The following DYNC1I1 variants were observed in gnomAD, a reference collection of about 807,000 sequenced individuals.
DYNC1I1 encodes dynein cytoplasmic 1 intermediate chain 1.
A neutral mutation model predicts 86.6 loss-of-function variants in DYNC1I1; 43 were observed. The observed-to-expected ratio is 0.50, with a 90% CI of 0.39 to 0.64. The LOEUF (loss-of-function observed/expected upper bound fraction) is 0.64, where lower values mean the gene tolerates loss of function less well. Ranked by LOEUF, DYNC1I1 falls within the 30% of genes least tolerant of loss-of-function variation. The pLI, the probability that DYNC1I1 is intolerant of heterozygous loss-of-function variation, is 0.00. For synonymous variants in DYNC1I1, 262 were observed against 283.7 expected (o/e 0.92, Z 0.77); for missense variants, 604 against 788.8 (o/e 0.77, Z 2.81).
intron 6 of DYNC1I1, among the ~76,000 whole-genome samples, chr7:95,910,685 T>C (rs1439108881): frequency 1.3e-5 from 2 of 152,232 alleles, no homozygotes; most frequent in Non-Finnish European, 2.9e-5. Context: ...ACAAGAATTA[T>C]GGACATTTAT....
chr7:95,866,950 T>A (rs1790031430), intron 5 of DYNC1I1, among the ~76,000 whole-genome samples: 1 of 152,204 alleles, frequency 6.6e-6, no homozygotes, highest in Non-Finnish European at 1.5e-5. Flanking sequence ...AAAAACTGGT[T>A]GAAACTTTTC....
intron 15 of DYNC1I1, among the ~76,000 whole-genome samples, chr7:96,078,080 A>G (rs1191888343): frequency 6.6e-6 from 1 of 152,168 alleles, no homozygotes; most frequent in African/African-American, 2.4e-5. Context: ...GGCAAGTTGA[A>G]CAAGATTTTT....
chr7:96,022,345 T>A (rs575567001), intron 10 of DYNC1I1, among the ~76,000 whole-genome samples: 1 of 152,292 alleles, frequency 6.6e-6, no homozygotes, highest in African/African-American at 2.4e-5. Flanking sequence ...ATCAGGATGA[T>A]GGGTTTCTAA....
chr7:95,783,266 T>C (rs1157483937), intron 1 of DYNC1I1, among the ~76,000 whole-genome samples: 1 of 152,170 alleles, frequency 6.6e-6, no homozygotes, highest in East Asian at 1.9e-4. Flanking sequence ...AAAACTGAGC[T>C]TACAAATATA....
chr7:96,096,644 A>G (rs1362041166), intron 16 of DYNC1I1, among the ~76,000 whole-genome samples: 1 of 152,132 alleles, frequency 6.6e-6, no homozygotes, highest in African/African-American at 2.4e-5. Flanking sequence ...TTCAGTTTGC[A>G]TTGGAGGAGG....
At chr7:95,972,347 G>A (rs994459610) in intron 6 of DYNC1I1, among the ~76,000 whole-genome samples, 2 of 152,098 alleles carry the variant, frequency 1.3e-5, no homozygotes, top group East Asian at 1.9e-4. Flanking sequence ...CTGCTACTGC[G>A]TTTTCCTCCA....
At chr7:96,089,060 C>T (rs1790764535) in intron 16 of DYNC1I1, among the ~76,000 whole-genome samples, 1 of 150,510 alleles carries the variant, frequency 6.6e-6, no homozygotes, top group Non-Finnish European at 1.5e-5. Context: ...TTGTATTGGT[C>T]TCAGCATTAA....
At chr7:96,075,946 T>C in intron 14 of DYNC1I1, 111 bp from the exon 15 acceptor site, 1 of 1,443,520 alleles carries the variant, frequency 6.9e-7, no homozygotes, top group Non-Finnish European at 9.3e-7. Context: ...GACTTTCATC[T>C]CGGGAAGTTT....
At chr7:96,034,143 A>T (rs577661277) in intron 12 of DYNC1I1, among the ~76,000 whole-genome samples, 111 of 152,244 alleles carry the variant, frequency 7.3e-4, no homozygotes, top group African/African-American at 2.4e-3. Context: ...ACGTTTTTTT[A>T]AAATAATTTT....
chr7:96,038,961 T>C (rs1043401223), intron 13 of DYNC1I1, among the ~76,000 whole-genome samples: 1 of 152,186 alleles, frequency 6.6e-6, no homozygotes, highest in Non-Finnish European at 1.5e-5. Flanking sequence ...TTTGTTTCCA[T>C]TAAAATAGCT....
intron 6 of DYNC1I1, among the ~76,000 whole-genome samples, chr7:95,885,717 C>T (rs1328904496): frequency 6.6e-6 from 1 of 152,138 alleles, no homozygotes; most frequent in Non-Finnish European, 1.5e-5. Flanking sequence ...AAATTCCTAG[C>T]TTCAAGCAGT....
In DYNC1I1 at chr7:95,772,715, C is replaced by G. The variant is rs1793734757; in HGVS notation, c.-68C>G. 2 of 152,672 alleles carry G rather than the reference C, an allele frequency of 1.3e-5. No individual in the cohort carries two copies. The highest frequency in any genetic ancestry group is 3.8e-4 in the South Asian group (2 of 5,288). The allele number at this position is 152,672 out of a possible 1,614,324, so 9.5% of individuals were successfully genotyped here. A position where few individuals can be genotyped will look rare whatever the true frequency, so the allele number is the denominator to read the frequency against. Reference sequence around the variant, plus strand: ...GAGCCGCCTGCACCAACGCTGCCGCCGCCCAGGAGCCGCCGCCGGCTCGGG... The same window carrying G: ...GAGCCGCCTGCACCAACGCTGCCGCGGCCCAGGAGCCGCCGCCGGCTCGGG... On this transcript the variant is annotated 5_prime_UTR_variant, in exon 1 of 17. Coordinates refer to ENST00000447467, the MANE Select transcript of DYNC1I1 (RefSeq NM_001135556.2).
In DYNC1I1 at chr7:95,870,030, T is replaced by C. The variant is rs752639824; in HGVS notation, c.490+32T>C. 8 of 1,574,284 alleles carry C rather than the reference T, an allele frequency of 5.1e-6. No homozygotes were observed. In the South Asian group the frequency reaches 8.0e-5, roughly 16 times the overall value. ...TATGTCTTTGGCTTACTTTCCATAT[T>C]ATCTCTGGAGAAATCGCTGGGAAGT... On this transcript the variant is annotated intron_variant, in intron 6 of 16. Coordinates refer to ENST00000447467, the MANE Select transcript of DYNC1I1 (RefSeq NM_001135556.2).
At chr7:95,791,655 C>T (rs1245805273) in intron 1 of DYNC1I1, among the ~76,000 whole-genome samples, 1 of 152,130 alleles carries the variant, frequency 6.6e-6, no homozygotes, top group Admixed American at 6.5e-5. Context: ...TTCAAGACTG[C>T]TGAATTTATT....
At chr7:95,788,808 C>A (rs1051106875) in intron 1 of DYNC1I1, among the ~76,000 whole-genome samples, 1 of 152,016 alleles carries the variant, frequency 6.6e-6, no homozygotes, top group Non-Finnish European at 1.5e-5. Flanking sequence ...CAGTACCATT[C>A]AATAAAGGAA....
intron 6 of DYNC1I1, among the ~76,000 whole-genome samples, chr7:95,893,323 C>T (rs1228029618): frequency 6.6e-6 from 1 of 152,188 alleles, no homozygotes; most frequent in Non-Finnish European, 1.5e-5. Flanking sequence ...AAGTCCTGTT[C>T]ATGTGTTTCT....
intron 6 of DYNC1I1, among the ~76,000 whole-genome samples, chr7:95,925,214 A>T (rs964321090): frequency 2.6e-5 from 4 of 152,164 alleles, no homozygotes; most frequent in African/African-American, 9.7e-5. Context: ...ATATGTTATC[A>T]ATGTCTTGAG....
intron 10 of DYNC1I1, among the ~76,000 whole-genome samples, chr7:96,007,943 G>A (rs1336470125): frequency 2.0e-5 from 3 of 152,124 alleles, no homozygotes; most frequent in African/African-American, 7.2e-5. Context: ...GTTAAGCTAG[G>A]TCAGTACCAC....
intron 10 of DYNC1I1, among the ~76,000 whole-genome samples, chr7:96,022,275 C>T (rs1794570949): frequency 6.6e-6 from 1 of 152,170 alleles, no homozygotes; most frequent in Non-Finnish European, 1.5e-5. Flanking sequence ...CAGGACAAGG[C>T]ACGTGATAGG....
Sources: gnomAD v4.1 joint callset for allele counts (sites outside exome capture counted in the v4.1 genomes callset) on GRCh38, gnomAD v4.1.1 for gene constraint, MANE v1.5 for transcripts, NCBI Gene and HGNC (gene_info 2026-07-23, HGNC 2026-07-21) for gene names.